Variants in KIAA1958 observed in about 807,000 individuals in gnomAD.
KIAA1958 encodes the protein uncharacterized protein KIAA1958.
KIAA1958 carries 14 observed loss-of-function variants against 47.2 expected under a neutral mutation model. The observed-to-expected ratio is 0.30, with a 90% CI of 0.20 to 0.46. The LOEUF is 0.46. Ranked by LOEUF, KIAA1958 falls within the 20% of genes least tolerant of loss-of-function variation. The probability of loss-of-function intolerance (pLI) is 1.00; values close to 1 mark genes in which losing one functional copy is unlikely to be tolerated. For missense variants in KIAA1958, 803 were observed against 909.2 expected (o/e 0.88, Z 1.50); for synonymous variants, 354 against 353.3 (o/e 1.00, Z -0.02).
intron 2 of KIAA1958, among the ~76,000 whole-genome samples, chr9:112,630,117 C>T (rs940412330): frequency 3.9e-5 from 6 of 152,190 alleles, no homozygotes; most frequent in African/African-American, 1.2e-4. Context: ...GGAAGCATTG[C>T]GCATGTGACT....
chr9:112,510,071 A>C (rs927358989), intron 1 of KIAA1958, among the ~76,000 whole-genome samples: 3 of 152,224 alleles, frequency 2.0e-5, no homozygotes, highest in Admixed American at 2.0e-4. Flanking sequence ...ATTTGCTCCT[A>C]AGATCTTTGC....
At chr9:112,602,430 T>G (rs181792362) in intron 2 of KIAA1958, among the ~76,000 whole-genome samples, 1 of 152,172 alleles carries the variant, frequency 6.6e-6, no homozygotes, top group Non-Finnish European at 1.5e-5. Flanking sequence ...TAAGAAAATT[T>G]GATTTCTTTC....
chr9:112,546,420 A>T (rs927833003), intron 1 of KIAA1958, among the ~76,000 whole-genome samples: 1 of 152,074 alleles, frequency 6.6e-6, no homozygotes, highest in Admixed American at 6.5e-5. Context: ...AACCATAAAA[A>T]TAGCCAACTA....
chr9:112,622,052 A>G (rs1219468743), intron 2 of KIAA1958, among the ~76,000 whole-genome samples: 1 of 152,128 alleles, frequency 6.6e-6, no homozygotes, highest in East Asian at 1.9e-4. Context: ...AAAATCTACA[A>G]CTACCTCTAA....
At chr9:112,625,059 T>A (rs2131223250) in intron 2 of KIAA1958, among the ~76,000 whole-genome samples, 1 of 152,266 alleles carries the variant, frequency 6.6e-6, no homozygotes, top group Non-Finnish European at 1.5e-5. Flanking sequence ...CTAGACTGAC[T>A]GAGCTGCTGT....
chr9:112,601,826 A>G (rs1241465566), intron 2 of KIAA1958, among the ~76,000 whole-genome samples: 1 of 152,208 alleles, frequency 6.6e-6, no homozygotes, highest in Middle Eastern at 3.2e-3. Flanking sequence ...ATCCAAGAGA[A>G]ATGAGCAGAT....
rs765419536 is a variant in KIAA1958 at position 112,659,664 on chromosome 9, C to T, written c.1746C>T (p.Asp582=). The T allele has an allele frequency of 1.9e-6, 3 of 1,614,180 alleles. No homozygotes were observed. Among genetic ancestry groups the T allele is most frequent in the Non-Finnish European group, 2.5e-6 (3 of 1,180,038 alleles). ...LQEHADLMYG[D]IELLKDPQNQ... is the part of the protein sequence containing the mutation. ...AGCATGCGGATCTGATGTATGGTGA[C>T]ATCGAGCTGCTCAAAGACCCCCAAA... The change falls in exon 4 of 4, where the codon GAC becomes GAT. Residue 582 remains aspartate, a synonymous_variant. Coordinates refer to ENST00000337530, the MANE Select transcript of KIAA1958 (RefSeq NM_133465.4).
chr9:112,589,540 C>T (rs757073331), intron 2 of KIAA1958, among the ~76,000 whole-genome samples: 2 of 152,096 alleles, frequency 1.3e-5, no homozygotes, highest in Admixed American at 6.5e-5. Context: ...TGCGGTGAGC[C>T]GAGATTGCTC....
In KIAA1958 at chr9:112,661,517, C is replaced by G. The variant is rs1173883452; in HGVS notation, c.*1448C>G. The G allele has an allele frequency of 2.6e-5, 4 of 152,188 alleles. No homozygotes were observed. Among genetic ancestry groups the G allele is most frequent in the African/African-American group, 9.6e-5 (4 of 41,452 alleles). The allele number at this position is 152,188 out of a possible 1,614,324, so 9.4% of individuals were successfully genotyped here. A position where few individuals can be genotyped will look rare whatever the true frequency, so the allele number is the denominator to read the frequency against. ...TAATACAAATTCATTTTGTAGAAGT[C>G]TTAAAATCAGTCCTCTTTCTTTTTG... On this transcript the variant is annotated 3_prime_UTR_variant, in exon 4 of 4. Transcript: ENST00000337530.
At chr9:112,539,837 T>C (rs2132821561) in intron 1 of KIAA1958, among the ~76,000 whole-genome samples, 1 of 108,180 alleles carries the variant, frequency 9.2e-6, no homozygotes, top group Admixed American at 1.0e-4. Context: ...ATTACAAGCA[T>C]GCCCCACCAT....
intron 2 of KIAA1958, among the ~76,000 whole-genome samples, chr9:112,577,344 A>G (rs1835663020): frequency 6.6e-6 from 1 of 152,072 alleles, no homozygotes; most frequent in Admixed American, 6.6e-5. Flanking sequence ...TACTTTGATC[A>G]TTGAATAACA....
chr9:112,637,028 C>T (rs1447788596), intron 2 of KIAA1958, among the ~76,000 whole-genome samples: 7 of 152,210 alleles, frequency 4.6e-5, no homozygotes, highest in Admixed American at 1.3e-4. Context: ...CAGATGTAAA[C>T]GTGCACTCTT....
intron 1 of KIAA1958, among the ~76,000 whole-genome samples, chr9:112,568,973 A>G (rs1037605110): frequency 7.2e-6 from 1 of 138,412 alleles, no homozygotes; most frequent in African/African-American, 2.6e-5. Flanking sequence ...AAAAATTGAC[A>G]TATGACAATG....
intron 1 of KIAA1958, among the ~76,000 whole-genome samples, chr9:112,490,114 C>T (rs1833943544): frequency 6.6e-6 from 1 of 152,190 alleles, no homozygotes; most frequent in African/African-American, 2.4e-5. Flanking sequence ...CAACACCATG[C>T]TGCTTGCTGA....
intron 3 of KIAA1958, among the ~76,000 whole-genome samples, chr9:112,658,755 C>T (rs1409381172): frequency 6.6e-6 from 1 of 151,654 alleles, no homozygotes; most frequent in African/African-American, 2.4e-5. Flanking sequence ...GTCAGGAGAT[C>T]GAGACCATCC....
chr9:112,530,104 A>G (rs1834729119), intron 1 of KIAA1958, among the ~76,000 whole-genome samples: 1 of 152,136 alleles, frequency 6.6e-6, no homozygotes. Flanking sequence ...TGGCCTCCCA[A>G]AGTGCTGGGA....
At chr9:112,626,924 A>T (rs764245291) in intron 2 of KIAA1958, among the ~76,000 whole-genome samples, 1 of 151,794 alleles carries the variant, frequency 6.6e-6, no homozygotes, top group Non-Finnish European at 1.5e-5. Context: ...GTGCTCTTTC[A>T]TATGTGTGTT....
chr9:112,525,425 A>C (rs1292273992), intron 1 of KIAA1958, among the ~76,000 whole-genome samples: 1 of 152,238 alleles, frequency 6.6e-6, no homozygotes, highest in Non-Finnish European at 1.5e-5. Context: ...GCCTATAAGC[A>C]TACAAATCTT....
In KIAA1958 at chr9:112,565,956, T is replaced by TGC. The variant is rs543841412; in HGVS notation, c.-24-8100_-24-8099dup. ...TCTCGCTCTGTCGCCCAGGCTGGAG[T>TGC]GCAGTGGCGCGATCTCAGCTCACTG... is the stretch of plus-strand genomic sequence containing the variant. On this transcript the variant is annotated intron_variant, in intron 1 of 3. Coordinates refer to ENST00000337530, the MANE Select transcript of KIAA1958 (RefSeq NM_133465.4). Among the ~76,000 whole-genome samples the TGC allele has an allele frequency of 4.5e-4, 68 of 152,340 alleles. 1 individual carries two copies. In the South Asian group the frequency reaches 0.014, roughly 32 times the overall value.
Sources: gnomAD v4.1 joint callset for allele counts (sites outside exome capture counted in the v4.1 genomes callset) on GRCh38, gnomAD v4.1.1 for gene constraint, MANE v1.5 for transcripts, NCBI Gene and HGNC (gene_info 2026-07-23, HGNC 2026-07-21) for gene names.